The following TOP6BL variants were observed in gnomAD, a reference collection of about 807,000 sequenced individuals.
TOP6BL encodes the protein TOP6B like initiator of meiotic double strand breaks, also known as type 2 DNA topoisomerase 6 subunit B-like.
At chr11:66,746,544 G>A in the TOP6BL span, among the ~76,000 whole-genome samples, 5 of 152,246 alleles carry the variant, frequency 3.3e-5, no homozygotes, top group African/African-American at 1.2e-4. Context: ...GAGAAACTCC[G>A]TCACTACTAA....
the TOP6BL span, among the ~76,000 whole-genome samples, chr11:66,745,932 T>C: frequency 6.6e-6 from 1 of 152,204 alleles, no homozygotes; most frequent in Admixed American, 6.5e-5. Context: ...TGTCTCAGCC[T>C]CCCGAGTAGC....
the TOP6BL span, among the ~76,000 whole-genome samples, chr11:66,793,590 G>T: frequency 6.6e-6 from 1 of 151,158 alleles, no homozygotes; most frequent in East Asian, 2.0e-4. Flanking sequence ...GATCACAGGT[G>T]CCCGTCACCA....
the TOP6BL span, chr11:66,822,759 T>C: frequency 1.1e-6 from 1 of 901,758 alleles, no homozygotes; most frequent in African/African-American, 1.7e-5. Context: ...ATCGCAGCAC[T>C]TTGGGAGGCC....
the TOP6BL span, among the ~76,000 whole-genome samples, chr11:66,754,118 G>T: frequency 6.6e-6 from 1 of 152,226 alleles, no homozygotes; most frequent in African/African-American, 2.4e-5. Flanking sequence ...GCGAGCACCA[G>T]CAGTCTCTGC....
chr11:66,829,585 A>G, the TOP6BL span, among the ~76,000 whole-genome samples: 10 of 150,782 alleles, frequency 6.6e-5, no homozygotes, highest in Non-Finnish European at 7.4e-5. Flanking sequence ...AAAAAAAAAA[A>G]ACAAAACCAT....
At chr11:66,839,694 T>A in the TOP6BL span, among the ~76,000 whole-genome samples, 3 of 152,242 alleles carry the variant, frequency 2.0e-5, no homozygotes, top group African/African-American at 4.8e-5. Context: ...TCTATTTTTA[T>A]AAATTTAGAT....
the TOP6BL span, chr11:66,842,704 A>T: frequency 1.3e-6 from 1 of 780,996 alleles, no homozygotes; most frequent in Non-Finnish European, 2.0e-6. Flanking sequence ...CCACAGCTGC[A>T]GGGTTTTGGT....
chr11:66,811,305 T>C, the TOP6BL span, among the ~76,000 whole-genome samples: 2 of 152,126 alleles, frequency 1.3e-5, no homozygotes, highest in South Asian at 2.1e-4. Context: ...ATCTCTGCCA[T>C]TTCAGCCTCC....
the TOP6BL span, among the ~76,000 whole-genome samples, chr11:66,791,897 A>C: frequency 6.6e-6 from 1 of 150,938 alleles, no homozygotes; most frequent in Non-Finnish European, 1.5e-5. Flanking sequence ...AGCTCACTGC[A>C]AGCTCCGCCT....
At chr11:66,763,063 G>C in the TOP6BL span, among the ~76,000 whole-genome samples, 1 of 152,168 alleles carries the variant, frequency 6.6e-6, no homozygotes, top group Non-Finnish European at 1.5e-5. Flanking sequence ...AATTAGCCAG[G>C]CATGGTGGGG....
At chr11:66,788,036 C>G in the TOP6BL span, 1 of 611,200 alleles carries the variant, frequency 1.6e-6, no homozygotes, top group African/African-American at 1.8e-5. Flanking sequence ...TATTTTAAAT[C>G]TTGTAGATAA....
the TOP6BL span, among the ~76,000 whole-genome samples, chr11:66,753,651 C>G: frequency 6.6e-6 from 1 of 152,046 alleles, no homozygotes; most frequent in African/African-American, 2.4e-5. Context: ...CGTGATCCAC[C>G]TGCCTTGGCC....
chr11:66,798,105 A>G, the TOP6BL span, among the ~76,000 whole-genome samples: 1,355 of 152,322 alleles, frequency 8.9e-3, 23 homozygotes, highest in African/African-American at 0.03. Context: ...GAACTCAGGC[A>G]GTCTGGTTCT....
the TOP6BL span, among the ~76,000 whole-genome samples, chr11:66,767,767 G>A: frequency 7.9e-5 from 12 of 152,056 alleles, no homozygotes; most frequent in Non-Finnish European, 1.6e-4. Flanking sequence ...TACCCTTTTG[G>A]TGTCAGGGAG....
chr11:66,746,979 C>G, the TOP6BL span, among the ~76,000 whole-genome samples: 1 of 151,886 alleles, frequency 6.6e-6, no homozygotes, highest in Admixed American at 6.6e-5. Flanking sequence ...TGCTGTTGCC[C>G]AGGCTGGAGC....
the TOP6BL span, among the ~76,000 whole-genome samples, chr11:66,760,126 T>G: frequency 6.6e-6 from 1 of 152,178 alleles, no homozygotes; most frequent in South Asian, 2.1e-4. Flanking sequence ...TAATAGATTT[T>G]TAAAAGCTTA....
At chr11:66,766,437 CCT>C in the TOP6BL span, among the ~76,000 whole-genome samples, 1 of 152,122 alleles carries the variant, frequency 6.6e-6, no homozygotes, top group Non-Finnish European at 1.5e-5. Context: ...TCTTTTTTCC[CCT>C]TTCTTCTCTG....
chr11:66,815,983 G>A, the TOP6BL span: 10 of 1,428,462 alleles, frequency 7.0e-6, no homozygotes, highest in East Asian at 2.5e-4. Context: ...CAGAATACAG[G>A]TTCTGTAGTC....
chr11:66,797,248 C>T, the TOP6BL span, among the ~76,000 whole-genome samples: 8 of 152,044 alleles, frequency 5.3e-5, no homozygotes, highest in Non-Finnish European at 7.4e-5. Flanking sequence ...GATCCACACA[C>T]CTCAGCCTCC....
Sources: allele counts gnomAD v4.1 joint callset (sites outside exome capture counted in the v4.1 genomes callset), GRCh38; gene constraint gnomAD v4.1.1; transcripts MANE v1.5; gene names NCBI Gene and HGNC (gene_info 2026-07-23, HGNC 2026-07-21).